The following TBL1X variants were observed in gnomAD, a reference collection of about 807,000 sequenced individuals.
TBL1X encodes the protein transducin beta like 1 X-linked.
Under a neutral mutation model 50.7 loss-of-function variants are expected in TBL1X, and 10 were observed. That is an observed-to-expected ratio of 0.20 (90% CI 0.12 to 0.33). TBL1X has a LOEUF of 0.33. Among genes scored for constraint, TBL1X ranks in the 10% least tolerant of loss-of-function variants. The pLI is 1.00. For missense variants in TBL1X, 340 were observed against 504.4 expected (o/e 0.67, Z 3.12); for synonymous variants, 190 against 214.7 (o/e 0.88, Z 1.01).
chrX:9,652,931 C>G, intron 3 of TBL1X, among the ~76,000 whole-genome samples: 1 of 111,558 alleles, frequency 9.0e-6, no homozygotes, highest in African/African-American at 3.2e-5. Context: ...CTTTGGGAGG[C>G]TGAGGCGGGT....
At chrX:9,483,683 T>C (rs1019562710) in intron 1 of TBL1X, among the ~76,000 whole-genome samples, 1 of 111,610 alleles carries the variant, frequency 9.0e-6, no homozygotes, top group African/African-American at 3.3e-5. Flanking sequence ...CAAACTCCTA[T>C]GCGGGTCTCT....
At chrX:9,634,496 G>T (rs896239728) in intron 2 of TBL1X, among the ~76,000 whole-genome samples, 15 of 111,255 alleles carry the variant, frequency 1.3e-4, no homozygotes, top group Non-Finnish European at 1.9e-4. Flanking sequence ...CATGTAACAG[G>T]TACAATATAC....
At chrX:9,626,074 A>G (rs1046749984) in intron 2 of TBL1X, among the ~76,000 whole-genome samples, 1 of 112,053 alleles carries the variant, frequency 8.9e-6, no homozygotes, top group African/African-American at 3.2e-5. Flanking sequence ...TGTCTTTGAG[A>G]TGTCGGGACG....
intron 17 of TBL1X, 98 bp from the exon 18 acceptor site, chrX:9,716,122 C>T (rs1329610247): frequency 1.1e-6 from 1 of 906,859 alleles, no homozygotes; most frequent in African/African-American, 2.0e-5. Flanking sequence ...CGGTGGAGGG[C>T]TAGATTGGGC....
intron 1 of TBL1X, among the ~76,000 whole-genome samples, chrX:9,487,983 T>C (rs2081922319): frequency 8.9e-6 from 1 of 111,877 alleles, no homozygotes; most frequent in Non-Finnish European, 1.9e-5. Flanking sequence ...TGTTTACTTT[T>C]CTGAATTTAT....
At chrX:9,621,313 G>A (rs1027562577) in intron 2 of TBL1X, among the ~76,000 whole-genome samples, 2 of 111,818 alleles carry the variant, frequency 1.8e-5, no homozygotes, top group Admixed American at 9.4e-5. Flanking sequence ...AGAAACTCAG[G>A]GTGCCCAAAG....
At chrX:9,600,812 T>C (rs2082552921) in intron 2 of TBL1X, among the ~76,000 whole-genome samples, 1 of 112,130 alleles carries the variant, frequency 8.9e-6, no homozygotes. Flanking sequence ...ATTCAGTCAG[T>C]GTACAAACCC....
At chrX:9,709,119 C>T (rs1419748628) in intron 13 of TBL1X, 129 bp from the exon 14 acceptor site, 4 of 577,211 alleles carry the variant, frequency 6.9e-6, no homozygotes, top group Non-Finnish European at 1.1e-5. Context: ...TGGGCTGTGC[C>T]CTTTGATGTC....
intron 5 of TBL1X, among the ~76,000 whole-genome samples, chrX:9,672,659 C>T (rs2146617377): frequency 9.0e-6 from 1 of 111,506 alleles, no homozygotes; most frequent in African/African-American, 3.3e-5. Context: ...CCAATCTCTC[C>T]AGTGACTCCT....
At chrX:9,569,512 T>C (rs772387124) in intron 2 of TBL1X, among the ~76,000 whole-genome samples, 2 of 112,054 alleles carry the variant, frequency 1.8e-5, no homozygotes, top group Non-Finnish European at 3.8e-5. Context: ...CTGTCCTTTT[T>C]GAGATCTGAG....
chrX:9,530,097 T>G (rs16998739), intron 2 of TBL1X, among the ~76,000 whole-genome samples: 19,022 of 111,086 alleles, frequency 0.17, 1,748 homozygotes, highest in African/African-American at 0.35. Flanking sequence ...TCCTCTAGTT[T>G]TAGAAGACCT....
At chrX:9,689,421 T>C (rs2083084085) in intron 7 of TBL1X, among the ~76,000 whole-genome samples, 1 of 112,054 alleles carries the variant, frequency 8.9e-6, no homozygotes, top group Non-Finnish European at 1.9e-5. Context: ...TTAATAACGT[T>C]TCTATTGCAA....
chrX:9,568,054 C>T (rs1051217009), intron 2 of TBL1X, among the ~76,000 whole-genome samples: 8 of 112,016 alleles, frequency 7.1e-5, no homozygotes, highest in Non-Finnish European at 1.1e-4. Context: ...GGTGCTGTTG[C>T]GGATGCCCAG....
chrX:9,503,262 C>G (rs1440221183), intron 2 of TBL1X, among the ~76,000 whole-genome samples: 1 of 112,280 alleles, frequency 8.9e-6, no homozygotes, highest in Non-Finnish European at 1.9e-5. Context: ...AGCACGCTAC[C>G]CAGCCGGGGA....
chrX:9,541,361 T>C (rs1302193635), intron 2 of TBL1X, among the ~76,000 whole-genome samples: 1 of 109,703 alleles, frequency 9.1e-6, no homozygotes, highest in Non-Finnish European at 1.9e-5. Context: ...AAACACTGGA[T>C]GGTTAGATTG....
At chrX:9,577,756 G>A (rs183764813) in intron 2 of TBL1X, among the ~76,000 whole-genome samples, 1 of 112,334 alleles carries the variant, frequency 8.9e-6, no homozygotes, top group Non-Finnish European at 1.9e-5. Flanking sequence ...AAGAGATAAG[G>A]CTTGAGCAGG....
chrX:9,560,903 G>A (rs899715364), intron 2 of TBL1X, among the ~76,000 whole-genome samples: 1 of 111,944 alleles, frequency 8.9e-6, no homozygotes, highest in African/African-American at 3.3e-5. Flanking sequence ...AAATACGCAA[G>A]TCCCAGAGAA....
intron 2 of TBL1X, among the ~76,000 whole-genome samples, chrX:9,520,475 T>A (rs1310162646): frequency 9.1e-6 from 1 of 109,433 alleles, no homozygotes; most frequent in African/African-American, 3.3e-5. Flanking sequence ...CTTGGAAGAG[T>A]GTGCCCCTAA....
In TBL1X at chrX:9,479,331, A is replaced by T. The variant is rs759297276; in HGVS notation, c.-201+13884A>T. ...TGTGGTAGCACACGCCTGTAATCCC[A>T]GCTACTCAGGAGGCTGAGGCAAGAG... On this transcript the variant is annotated intron_variant, in intron 1 of 17. Coordinates refer to ENST00000645353, the MANE Select transcript of TBL1X (RefSeq NM_005647.4). 1.5e-3 allele frequency among the ~76,000 whole-genome samples: 166 copies of T among 112,266 alleles called. 1 individual carries two copies. Among genetic ancestry groups the T allele is most frequent in the African/African-American group, 5.1e-3 (159 of 30,909 alleles).
Sources: gnomAD v4.1 joint callset for allele counts (sites outside exome capture counted in the v4.1 genomes callset) on GRCh38, gnomAD v4.1.1 for gene constraint, MANE v1.5 for transcripts, NCBI Gene and HGNC (gene_info 2026-07-23, HGNC 2026-07-21) for gene names.